SHANK2: variants seen among roughly 807,000 people sequenced by gnomAD.
The protein encoded by SHANK2 is SH3 and multiple ankyrin repeat domains protein 2.
A neutral mutation model predicts 133.7 loss-of-function variants in SHANK2; 43 were observed. The ratio of observed to expected loss-of-function variants is 0.32; its 90% confidence interval spans 0.25 to 0.41. SHANK2 has a LOEUF of 0.41. Among genes scored for constraint, SHANK2 ranks in the 10% least tolerant of loss-of-function variants. The probability of loss-of-function intolerance (pLI) is 1.00; values close to 1 mark genes in which losing one functional copy is unlikely to be tolerated. For synonymous variants in SHANK2, 1,017 were observed against 952.8 expected (o/e 1.07, Z -1.24); for missense variants, 1,994 against 2,235.8 (o/e 0.89, Z 2.18).
intron 11 of SHANK2, among the ~76,000 whole-genome samples, chr11:70,878,306 C>T (rs1157200425): frequency 6.6e-6 from 1 of 152,208 alleles, no homozygotes; most frequent in Admixed American, 6.5e-5. Flanking sequence ...GGGAGGACCT[C>T]GACAAGGTCT....
At chr11:71,143,096 A>G (rs1317148525) in intron 3 of SHANK2, among the ~76,000 whole-genome samples, 1 of 152,170 alleles carries the variant, frequency 6.6e-6, no homozygotes, top group African/African-American at 2.4e-5. Context: ...TTAGCCGGGC[A>G]TGGCGGCAGG....
chr11:70,543,634 G>A (rs1475296518), intron 17 of SHANK2, among the ~76,000 whole-genome samples: 2 of 152,214 alleles, frequency 1.3e-5, no homozygotes, highest in African/African-American at 4.8e-5. Context: ...CACTCCATTT[G>A]TAATATCCTT....
intron 14 of SHANK2, among the ~76,000 whole-genome samples, chr11:70,703,441 G>T (rs1945586072): frequency 6.6e-6 from 1 of 152,168 alleles, no homozygotes; most frequent in South Asian, 2.1e-4. Context: ...TTTCTAACCT[G>T]GAAAAAGCGG....
chr11:70,848,455 G>T (rs909644991), intron 11 of SHANK2, among the ~76,000 whole-genome samples: 2 of 152,140 alleles, frequency 1.3e-5, no homozygotes, highest in Admixed American at 6.5e-5. Flanking sequence ...TGCAAAATAG[G>T]TTCTACAGTC....
At chr11:71,133,989 C>T (rs1467209669) in intron 3 of SHANK2, among the ~76,000 whole-genome samples, 2 of 149,742 alleles carry the variant, frequency 1.3e-5, no homozygotes, top group East Asian at 3.9e-4. Context: ...CCTGCCTGAG[C>T]CTTCTGAGTA....
chr11:70,853,216 CAG>C, intron 11 of SHANK2, among the ~76,000 whole-genome samples: 1 of 152,218 alleles, frequency 6.6e-6, no homozygotes, highest in Non-Finnish European at 1.5e-5. Flanking sequence ...GCTCTGGAAA[CAG>C]AGCCAGACTC....
In SHANK2 at chr11:71,225,999, G is replaced by C. The variant is rs1555122159; in HGVS notation, c.-112-1203C>G. Among the ~76,000 whole-genome samples the C allele has an allele frequency of 2.0e-5, 3 of 152,314 alleles. No individual in the cohort carries two copies. The East Asian group carries it at 5.8e-4, about 29-fold the overall frequency. ...TTAGCCGGGTTGGTGGTGGGCACCTGTAATCCCAGCTACTCAGGAGGCTGA... is the reference window on the plus strand; with the variant it reads ...TTAGCCGGGTTGGTGGTGGGCACCTCTAATCCCAGCTACTCAGGAGGCTGA... On this transcript the variant is annotated intron_variant, in intron 1 of 25. Transcript: ENST00000601538.
chr11:70,777,674 T>C (rs78860867), intron 14 of SHANK2, among the ~76,000 whole-genome samples: 4,928 of 152,308 alleles, frequency 0.032, 124 homozygotes, highest in Middle Eastern at 0.058. Flanking sequence ...CCTTGATCAA[T>C]TGACCCCACA....
intron 11 of SHANK2, among the ~76,000 whole-genome samples, chr11:70,867,406 C>T (rs782763077): frequency 2.0e-4 from 31 of 152,264 alleles, no homozygotes; most frequent in African/African-American, 6.7e-4. Flanking sequence ...ACTCCACCAA[C>T]GGAGGACGAG....
chr11:71,110,795 G>C (rs915003498), intron 5 of SHANK2, among the ~76,000 whole-genome samples: 1 of 152,154 alleles, frequency 6.6e-6, no homozygotes, highest in African/African-American at 2.4e-5. Context: ...TCCCCTCACC[G>C]TTCGCCATCC....
At chr11:70,626,444 A>G (rs1381617880) in intron 17 of SHANK2, among the ~76,000 whole-genome samples, 1 of 152,126 alleles carries the variant, frequency 6.6e-6, no homozygotes, top group African/African-American at 2.4e-5. Context: ...CTGATTTGGG[A>G]GCTTGTCGGT....
At chr11:70,853,190 G>T (rs964760351) in intron 11 of SHANK2, among the ~76,000 whole-genome samples, 6 of 152,222 alleles carry the variant, frequency 3.9e-5, no homozygotes, top group Non-Finnish European at 7.3e-5. Flanking sequence ...AATGAAACAT[G>T]AGCAACACTC....
intron 17 of SHANK2, chr11:70,604,558 G>A (rs1235201336): frequency 1.3e-5 from 2 of 152,268 alleles, no homozygotes; most frequent in East Asian, 1.9e-4. Flanking sequence ...CGCCTGACCC[G>A]AGACCTCCTG....
chr11:70,499,843 G>A (rs1342574051), intron 21 of SHANK2, among the ~76,000 whole-genome samples: 1 of 152,170 alleles, frequency 6.6e-6, no homozygotes, highest in African/African-American at 2.4e-5. Context: ...CATCTAACAT[G>A]ATTGGGACAG....
chr11:70,629,677 C>T (rs1555001361), intron 17 of SHANK2, among the ~76,000 whole-genome samples: 2 of 152,140 alleles, frequency 1.3e-5, no homozygotes, highest in African/African-American at 4.8e-5. Flanking sequence ...GGGGTGCTGC[C>T]GTCAGGAAGG....
In SHANK2 at chr11:70,937,595, C is replaced by T. The variant is rs574356827; in HGVS notation, c.1108-41028G>A. On this transcript the variant is annotated intron_variant, in intron 10 of 25. Transcript: ENST00000601538. ...AGTGTGCAAAAGATGGGGGTGGCCACCATTGGATCATGTGCATTCTGCTAT... is the reference window on the plus strand; with the variant it reads ...AGTGTGCAAAAGATGGGGGTGGCCATCATTGGATCATGTGCATTCTGCTAT... 5.9e-5 allele frequency among the ~76,000 whole-genome samples: 9 copies of T among 152,132 alleles called. No homozygotes were observed. The South Asian group carries it at 1.9e-3, about 32-fold the overall frequency.
intron 13 of SHANK2, among the ~76,000 whole-genome samples, chr11:70,801,748 T>C (rs1364852757): frequency 6.6e-6 from 1 of 152,084 alleles, no homozygotes; most frequent in African/African-American, 2.4e-5. Flanking sequence ...GTTCTCTCTG[T>C]GGCCCCACCT....
intron 2 of SHANK2, among the ~76,000 whole-genome samples, chr11:71,199,222 C>A (rs1251786501): frequency 6.6e-6 from 1 of 152,234 alleles, no homozygotes; most frequent in Non-Finnish European, 1.5e-5. Flanking sequence ...CCTCTCTGAA[C>A]CTTAGCCCCT....
chr11:70,809,251 T>C (rs1555052708), intron 12 of SHANK2, among the ~76,000 whole-genome samples: 1 of 152,222 alleles, frequency 6.6e-6, no homozygotes, highest in African/African-American at 2.4e-5. Context: ...GAGTGGTCTC[T>C]GACCATGGTT....
Sources: gnomAD v4.1 joint callset for allele counts (sites outside exome capture counted in the v4.1 genomes callset) on GRCh38, gnomAD v4.1.1 for gene constraint, MANE v1.5 for transcripts, NCBI Gene and HGNC (gene_info 2026-07-23, HGNC 2026-07-21) for gene names.